Variants in MAP7 observed in about 807,000 individuals in gnomAD.
The protein encoded by MAP7 is microtubule associated protein 7.
In MAP7, 52 loss-of-function variants were observed where a neutral mutation model predicts 94.8. The ratio of observed to expected loss-of-function variants is 0.55; its 90% CI spans 0.44 to 0.69. MAP7 has a LOEUF of 0.69. Ranked by LOEUF, MAP7 falls within the 30% of genes least tolerant of loss-of-function variation. The pLI is 0.00. For missense variants in MAP7, 940 were observed against 964.6 expected (o/e 0.97, Z 0.34); for synonymous variants, 350 against 357.0 (o/e 0.98, Z 0.22).
chr6:136,523,426 T>C (rs1826965484), intron 1 of MAP7, among the ~76,000 whole-genome samples: 1 of 152,254 alleles, frequency 6.6e-6, no homozygotes, highest in East Asian at 1.9e-4. Context: ...GCACTAGCTA[T>C]ATTTCAAGCT....
chr6:136,540,859 TA>T (rs2129059909), intron 1 of MAP7, among the ~76,000 whole-genome samples: 1 of 152,338 alleles, frequency 6.6e-6, no homozygotes, highest in South Asian at 2.1e-4. Flanking sequence ...GGCATCCTGA[TA>T]TTTAAATGGT....
intron 5 of MAP7, among the ~76,000 whole-genome samples, chr6:136,385,499 T>C (rs1320715531): frequency 1.3e-5 from 2 of 152,200 alleles, no homozygotes; most frequent in African/African-American, 4.8e-5. Context: ...GGGAAAATTG[T>C]GTCCACACGC....
chr6:136,380,017 T>G (rs1359121371), intron 6 of MAP7, among the ~76,000 whole-genome samples: 1 of 152,246 alleles, frequency 6.6e-6, no homozygotes, highest in African/African-American at 2.4e-5. Flanking sequence ...GTTTTTTGTT[T>G]TGTTAGTTTG....
Position 136,483,549 on chromosome 6 carries a change from C to T in MAP7, c.68-61750G>A, listed in dbSNP as rs1813617828. The stretch of plus-strand genomic sequence containing the variant: ...AAATTAAATTTAAAAATATTTAAAC[C>T]AAGGCCACTGAATCCCTATTTATTA... On this transcript the variant is annotated intron_variant, in intron 1 of 17. Transcript: ENST00000354570. 2.6e-5 allele frequency among the ~76,000 whole-genome samples: 4 copies of T among 151,884 alleles called. No individual in the cohort carries two copies. In the South Asian group the frequency reaches 8.4e-4, roughly 32 times the overall value.
At chr6:136,438,266 T>C (rs1435270759) in intron 1 of MAP7, among the ~76,000 whole-genome samples, 1 of 152,218 alleles carries the variant, frequency 6.6e-6, no homozygotes, top group Non-Finnish European at 1.5e-5. Flanking sequence ...CATAATCACA[T>C]CTAATTTCTA....
At chr6:136,496,353 A>T (rs776061261) in intron 1 of MAP7, among the ~76,000 whole-genome samples, 3 of 152,226 alleles carry the variant, frequency 2.0e-5, no homozygotes, top group Non-Finnish European at 4.4e-5. Flanking sequence ...ATGTCATACA[A>T]CTAATAAATG....
At position 136,441,117 on chromosome 6, in the gene MAP7, T is replaced by C. The variant is rs35525580; in HGVS notation, c.68-19318A>G. On this transcript the variant is annotated intron_variant, in intron 1 of 17. Transcript: ENST00000354570. Reference sequence around the variant, plus strand: ...TGTTGATGAACACCGGTTGATTCTATATCTTGGCTGTTGTGAATAGTGCTG... The same window carrying C: ...TGTTGATGAACACCGGTTGATTCTACATCTTGGCTGTTGTGAATAGTGCTG... 0.012 allele frequency among the ~76,000 whole-genome samples: 1,903 copies of C among 152,320 alleles called. 82 individuals carry two copies. The East Asian group carries it at 0.14, about 11-fold the overall frequency.
In MAP7 at chr6:136,389,529, GT is replaced by G. The variant is rs372195242; in HGVS notation, c.245-13del. The G allele has an allele frequency of 1.2e-3, 1,858 of 1,588,726 alleles. 17 individuals are homozygous for G. The African/African-American group carries it at 0.023, about 20-fold the overall frequency. On this transcript the variant is annotated splice_polypyrimidine_tract_variant and intron_variant, in intron 3 of 17. Coordinates refer to ENST00000354570, the MANE Select transcript of MAP7 (RefSeq NM_003980.6). ...TATTTCTCTTGCAGCTTTGGGGAGG[GT>G]TAAAAAAAAAAAAAAAGAGGGAAAT...
At chr6:136,429,475 C>T (rs74422429) in intron 1 of MAP7, among the ~76,000 whole-genome samples, 1,543 of 152,318 alleles carry the variant, frequency 0.01, 20 homozygotes, top group Non-Finnish European at 0.014. Flanking sequence ...AGCATCTCAA[C>T]TTTGGGAAAT....
chr6:136,413,525 G>GAAA (rs61053216), intron 2 of MAP7, among the ~76,000 whole-genome samples: 10 of 105,392 alleles, frequency 9.5e-5, no homozygotes, highest in Non-Finnish European at 1.4e-4. Context: ...CACCGTCTCA[G>GAAA]AAAAAAAAAA....
chr6:136,431,319 G>C (rs1278256564), intron 1 of MAP7, among the ~76,000 whole-genome samples: 1 of 151,938 alleles, frequency 6.6e-6, no homozygotes, highest in Non-Finnish European at 1.5e-5. Context: ...AGTCCCATGA[G>C]AGGCAAAACA....
rs143829948 is a variant in MAP7 at position 136,410,098 on chromosome 6, A to G, written c.244+1522T>C. Among the ~76,000 whole-genome samples, 592 of 152,312 alleles carry G rather than the reference A, an allele frequency of 3.9e-3. 5 individuals are homozygous for G. Among genetic ancestry groups the G allele is most frequent in the African/African-American group, 0.014 (568 of 41,556 alleles). On this transcript the variant is annotated intron_variant, in intron 3 of 17. Transcript: ENST00000354570. ...AACTAATGCTTTGTTTTGTTAAGAT[A>G]AAGAAACCCAAATGGAAAGGTGTGA...
At chr6:136,537,247 CTG>C (rs1432781506) in intron 1 of MAP7, among the ~76,000 whole-genome samples, 1 of 151,894 alleles carries the variant, frequency 6.6e-6, no homozygotes, top group Admixed American at 6.6e-5. Context: ...ATTCTCAAAT[CTG>C]TCCATTTTAG....
Position 136,356,744 on chromosome 6 carries a change from C to T in MAP7, c.1963G>A (p.Val655Ile), listed in dbSNP as rs1047961829. ...TTNAPGNGKP[V>I]GSPHVVTSHQ... Reference sequence around the variant, plus strand: ...GAGGTAACCACATGTGGGCTGCCAACTGGCTTTCCATTTCCCGGAGCGTTT... The same window carrying T: ...GAGGTAACCACATGTGGGCTGCCAATTGGCTTTCCATTTCCCGGAGCGTTT... Residue 655 changes from valine (V) to isoleucine (I), a missense_variant, in exon 16 of 18, where the codon GTT (valine) becomes ATT (isoleucine). By Grantham distance (29) the Val-to-Ile change is conservative. Coordinates refer to ENST00000354570, the MANE Select transcript of MAP7 (RefSeq NM_003980.6). 3.1e-6 allele frequency: 5 copies of T among 1,614,190 alleles called. No individual in the cohort carries two copies. In the East Asian group the frequency reaches 1.1e-4, roughly 36 times the overall value.
rs766807150 is a variant in MAP7, at chr6:136,550,373, C to G, written c.36G>C (p.Arg12Ser). 1.3e-6 allele frequency: 2 copies of G among 1,530,992 alleles called. No individual in the cohort carries two copies. Among genetic ancestry groups the G allele is most frequent in the African/African-American group, 2.9e-5 (2 of 70,130 alleles). 94.8% of individuals were successfully genotyped at this position (1,530,992 alleles called of 1,614,324 possible). ...CGCTTCGCACTGCGCCGTCGCCGCC[C>G]CTGTGGCCGTCGCCGCCAGCTCCTA... ...AELGAGGDGH[R>S]GGDGAVRSET... The change falls in exon 1 of 18, where the codon AGG becomes AGC. Residue 12 changes from arginine (R) to serine (S), a missense_variant. Coordinates refer to ENST00000354570, the MANE Select transcript of MAP7 (RefSeq NM_003980.6). The surrounding 1 kb of genome is among the most constrained non-coding windows in gnomAD (Gnocchi z 5.1).
rs1327121156 is a variant in MAP7 at position 136,360,794 on chromosome 6, T to A, written c.1706A>T (p.Glu569Val). Reference protein sequence around the residue: ...EEAERAQRQKEEEARVREEAE... With the variant: ...EEAERAQRQKVEEARVREEAE... ...TTCTTCACGAACGCGAGCTTCTTCT[T>A]CTTTCTGAAAACAGAAGGTCGGCGT... The change falls in exon 13 of 18, where the codon GAA becomes GTA. Residue 569 changes from glutamate (E) to valine (V), a missense_variant. Glu to Val is a moderately radical substitution (Grantham distance 121). Coordinates refer to ENST00000354570, the MANE Select transcript of MAP7 (RefSeq NM_003980.6). 1.9e-6 allele frequency: 3 copies of A among 1,613,784 alleles called. No homozygotes were observed. Among genetic ancestry groups the A allele is most frequent in the African/African-American group, 2.7e-5 (2 of 74,924 alleles).
At chr6:136,384,669 G>C (rs1406492740) in intron 5 of MAP7, among the ~76,000 whole-genome samples, 1 of 151,972 alleles carries the variant, frequency 6.6e-6, no homozygotes, top group Non-Finnish European at 1.5e-5. Flanking sequence ...TTTTTTTGTA[G>C]AGGTGGGGTT....
At chr6:136,387,281 A>G (rs1779420041) in intron 5 of MAP7, among the ~76,000 whole-genome samples, 1 of 152,228 alleles carries the variant, frequency 6.6e-6, no homozygotes, top group Admixed American at 6.5e-5. Context: ...AAGTACTTTG[A>G]TCCCAGGTAA....
intron 3 of MAP7, among the ~76,000 whole-genome samples, chr6:136,406,758 T>C (rs1451333772): frequency 6.6e-6 from 1 of 152,066 alleles, no homozygotes; most frequent in African/African-American, 2.4e-5. Context: ...AAGGTGGAGG[T>C]TGCAGTGAGC....
Sources: allele counts gnomAD v4.1 joint callset (sites outside exome capture counted in the v4.1 genomes callset), GRCh38; gene constraint gnomAD v4.1.1; non-coding constraint Gnocchi (gnomAD v3.1); transcripts MANE v1.5; gene names NCBI Gene and HGNC (gene_info 2026-07-23, HGNC 2026-07-21).